The following JARID2 variants were observed in gnomAD, a reference collection of about 807,000 sequenced individuals.
The protein encoded by JARID2 is jumonji and AT-rich interaction domain containing 2.
A neutral mutation model predicts 125.6 loss-of-function variants in JARID2; 21 were observed. That is an observed-to-expected ratio of 0.17 (90% CI 0.12 to 0.24). The LOEUF is 0.24. JARID2 is among the 10% of genes least tolerant of loss of function. The pLI, the probability that JARID2 is intolerant of heterozygous loss-of-function variation, is 1.00. For synonymous variants in JARID2, 736 were observed against 661.6 expected (o/e 1.11, Z -1.73); for missense variants, 1,303 against 1,639.6 (o/e 0.79, Z 3.55).
chr6:15,263,790 A>G (rs893174018), intron 1 of JARID2, among the ~76,000 whole-genome samples: 3 of 151,996 alleles, frequency 2.0e-5, no homozygotes, highest in African/African-American at 7.3e-5. Context: ...ACAGGGTTTC[A>G]CCTTGTTGGC....
intron 4 of JARID2, among the ~76,000 whole-genome samples, chr6:15,468,319 C>G (rs1193401606): frequency 1.3e-5 from 2 of 151,608 alleles, no homozygotes; most frequent in East Asian, 3.9e-4. Flanking sequence ...TTTAAAAATC[C>G]TTATTTGTTC....
intron 1 of JARID2, among the ~76,000 whole-genome samples, chr6:15,274,646 T>TTG (rs1407803421): frequency 1.3e-5 from 2 of 152,264 alleles, no homozygotes; most frequent in Non-Finnish European, 2.9e-5. Context: ...CCTCGACTTT[T>TTG]TGTGTGTGAA....
chr6:15,317,492 T>A (rs1762217791), intron 1 of JARID2, among the ~76,000 whole-genome samples: 1 of 152,080 alleles, frequency 6.6e-6, no homozygotes, highest in Non-Finnish European at 1.5e-5. Context: ...CTAGGAAATT[T>A]TTACCTTTTA....
At chr6:15,247,819 T>G in intron 1 of JARID2, 1 of 985,400 alleles carries the variant, frequency 1.0e-6, no homozygotes, top group Non-Finnish European at 1.2e-6. Flanking sequence ...TAGAAAGCTG[T>G]TCCATAAAGA....
rs879661038 is a variant in JARID2 at position 15,501,324 on chromosome 6, G to A, written c.2363G>A (p.Arg788Gln). The change falls in exon 8 of 18, where the codon CGA becomes CAA. Residue 788 changes from arginine (R) to glutamine (Q), a missense_variant. Physicochemically the swap from Arg to Gln is conservative, Grantham distance 43. Coordinates refer to ENST00000341776, the MANE Select transcript of JARID2 (RefSeq NM_004973.4). ...GCCCAGTTGAAGACTGGCCGGCGGCGACTCTTCGCTCAGGAAAAAGAAGTG... is the reference window on the plus strand; with the variant it reads ...GCCCAGTTGAAGACTGGCCGGCGGCAACTCTTCGCTCAGGAAAAAGAAGTG... ...GQAQLKTGRR[R>Q]LFAQEKEVVK... 5.6e-6 allele frequency: 9 copies of A among 1,608,162 alleles called. No individual in the cohort carries two copies. The highest frequency in any genetic ancestry group is 1.7e-5 in the Admixed American group (1 of 59,260).
chr6:15,447,499 C>T (rs542459390), intron 3 of JARID2, among the ~76,000 whole-genome samples: 1 of 152,228 alleles, frequency 6.6e-6, no homozygotes, highest in Admixed American at 6.5e-5. Flanking sequence ...TGACTACATG[C>T]AAGGCCCAAG....
At chr6:15,253,304 C>G (rs574487212) in intron 1 of JARID2, among the ~76,000 whole-genome samples, 1 of 152,196 alleles carries the variant, frequency 6.6e-6, no homozygotes, top group Non-Finnish European at 1.5e-5. Context: ...ACCTCATGAT[C>G]TGCCCACCTC....
At chr6:15,248,165 G>A (rs1395803471) in intron 1 of JARID2, 7 of 830,740 alleles carry the variant, frequency 8.4e-6, no homozygotes, top group Non-Finnish European at 1.0e-5. Flanking sequence ...CACGGCACGA[G>A]TTAATGCACC....
At chr6:15,389,975 A>G (rs1314232672) in intron 2 of JARID2, among the ~76,000 whole-genome samples, 1 of 152,140 alleles carries the variant, frequency 6.6e-6, no homozygotes, top group Admixed American at 6.5e-5. Flanking sequence ...TTTCCTAGAG[A>G]TGCACATGGC....
chr6:15,423,516 A>AACTTGCC (rs1490241388), intron 3 of JARID2, among the ~76,000 whole-genome samples: 1 of 152,204 alleles, frequency 6.6e-6, no homozygotes, highest in African/African-American at 2.4e-5. Context: ...TTCCTGAGTC[A>AACTTGCC]TGGGACAAAG....
At chr6:15,248,366 G>T (rs1300592285) in intron 1 of JARID2, 1 of 143,308 alleles carries the variant, frequency 7.0e-6, no homozygotes, top group South Asian at 2.1e-4. Context: ...AGGCGGGCAG[G>T]AGGGCGGGTG....
intron 3 of JARID2, 32 bp from the exon 4 acceptor site, chr6:15,451,974 A>G (rs1767939831): frequency 6.2e-7 from 1 of 1,607,808 alleles, no homozygotes. Context: ...GTCTCTGCTT[A>G]ATTTATTTTT....
chr6:15,274,000 C>G (rs1442454363), intron 1 of JARID2, among the ~76,000 whole-genome samples: 3 of 151,440 alleles, frequency 2.0e-5, no homozygotes, highest in Non-Finnish European at 4.4e-5. Flanking sequence ...ACGATCTCAG[C>G]TCACTGTGGC....
rs1176454481 is a variant in JARID2, at chr6:15,374,215, T to A, written c.144T>A (p.His48Gln). 7 of 1,614,024 alleles carry A rather than the reference T, an allele frequency of 4.3e-6. No homozygotes were observed. In the South Asian group the frequency reaches 6.6e-5, roughly 15 times the overall value. ...TCAAGAATTCCCAGAAGAGGCAGCA[T>A]GCGGAAGGCATTGCTGGGAGCCTGA... ...KEFKNSQKRQ[H>Q]AEGIAGSLKT... Residue 48 changes from histidine to glutamine, a missense_variant, in exon 2 of 18, where the codon CAT (histidine) becomes CAA (glutamine). His to Gln is a conservative substitution (Grantham distance 24, BLOSUM62 0). Transcript: ENST00000341776.
At position 15,487,419 on chromosome 6, in the gene JARID2, C is replaced by T. The variant is rs142020447; in HGVS notation, c.783C>T (p.Arg261=). ...ACAGCGATCACCGGGCTGACAGCCG[C>T]CGGGAGCAGGCTTCAGCTAACCACC... ...EKHSDHRADS[R]REQASANHPA... The change falls in exon 6 of 18, where the codon CGC becomes CGT. Residue 261 remains arginine (R), a synonymous_variant. Transcript: ENST00000341776. 27 of 1,614,256 alleles carry T rather than the reference C, an allele frequency of 1.7e-5. No individual in the cohort carries two copies. The highest frequency in any genetic ancestry group is 2.3e-5 in the Non-Finnish European group (27 of 1,180,046).
chr6:15,482,806 T>C (rs1445090682), intron 5 of JARID2, among the ~76,000 whole-genome samples: 1 of 152,240 alleles, frequency 6.6e-6, no homozygotes, highest in East Asian at 1.9e-4. Flanking sequence ...TTTCATACTG[T>C]TACATTAATA....
chr6:15,264,640 T>TGAGAGAGA (rs775697374), intron 1 of JARID2, among the ~76,000 whole-genome samples: 3 of 150,294 alleles, frequency 2.0e-5, no homozygotes, highest in Non-Finnish European at 4.4e-5. Flanking sequence ...TGTGTGTGTG[T>TGAGAGAGA]GAGAGAGAGA....
chr6:15,481,424 A>G (rs1769610175), intron 5 of JARID2, among the ~76,000 whole-genome samples: 1 of 152,032 alleles, frequency 6.6e-6, no homozygotes, highest in African/African-American at 2.4e-5. Flanking sequence ...TCTCTCTCTT[A>G]TGTTCACAGG....
At chr6:15,331,734 C>T (rs181745505) in intron 1 of JARID2, among the ~76,000 whole-genome samples, 6 of 152,012 alleles carry the variant, frequency 3.9e-5, no homozygotes, top group East Asian at 3.9e-4. Context: ...GCAGGAGAAT[C>T]GCTTGAACCC....
Sources: allele counts gnomAD v4.1 joint callset (sites outside exome capture counted in the v4.1 genomes callset), GRCh38; gene constraint gnomAD v4.1.1; transcripts MANE v1.5; gene names NCBI Gene and HGNC (gene_info 2026-07-23, HGNC 2026-07-21).